ZEB1: variants seen among roughly 807,000 people sequenced by gnomAD.
The protein encoded by ZEB1 is zinc finger E-box-binding homeobox 1.
Under a neutral mutation model 84.9 loss-of-function variants are expected in ZEB1, and 21 were observed. The observed-to-expected ratio is 0.25, with a 90% confidence interval of 0.18 to 0.36. The LOEUF (loss-of-function observed/expected upper bound fraction) is 0.36. Among genes scored for constraint, ZEB1 ranks in the 10% least tolerant of loss-of-function variants. The pLI is 1.00. For synonymous variants in ZEB1, 420 were observed against 471.1 expected (o/e 0.89, Z 1.41); for missense variants, 1,104 against 1,330.2 (o/e 0.83, Z 2.65).
intron 1 of ZEB1, among the ~76,000 whole-genome samples, chr10:31,373,738 G>A (rs1368901659): frequency 6.6e-6 from 1 of 151,680 alleles, no homozygotes. Context: ...AAATTTGTAA[G>A]ATAAGACGTT....
chr10:31,505,425 G>A (rs2068811699), intron 4 of ZEB1, among the ~76,000 whole-genome samples: 1 of 151,700 alleles, frequency 6.6e-6, no homozygotes, highest in Non-Finnish European at 1.5e-5. Flanking sequence ...TCCCGGACTT[G>A]AAATATTCAT....
rs1227775259 is a variant in ZEB1, at chr10:31,363,540, C to A, written c.58+44248C>A. ...AGGGGCCCCTTTTATTGTCCTCCTG[C>A]CCCTGGGTCTCTACCTGGTCTTTCA... On this transcript the variant is annotated intron_variant, in intron 1 of 8. Transcript: ENST00000424869. The A allele has an allele frequency of 2.6e-6, 4 of 1,528,308 alleles. No homozygotes were observed. In the South Asian group the frequency reaches 4.8e-5, roughly 18 times the overall value. The allele number at this position is 1,528,308 out of a possible 1,614,324, so 94.7% of individuals were successfully genotyped here. A position where few individuals can be genotyped will look rare whatever the true frequency, so the allele number is the denominator to read the frequency against.
intron 1 of ZEB1, among the ~76,000 whole-genome samples, chr10:31,331,963 T>C (rs755625031): frequency 4.6e-5 from 7 of 152,218 alleles, no homozygotes; most frequent in Non-Finnish European, 7.3e-5. Flanking sequence ...GTGACATGAT[T>C]ACATTTATAT....
At chr10:31,446,347 T>C (rs2059774745) in intron 1 of ZEB1, among the ~76,000 whole-genome samples, 2 of 152,126 alleles carry the variant, frequency 1.3e-5, no homozygotes, top group South Asian at 2.1e-4. Flanking sequence ...ATTTTGTTGA[T>C]CCTTTCAAAA....
At chr10:31,473,861 G>C (rs1347681269) in intron 2 of ZEB1, among the ~76,000 whole-genome samples, 1 of 150,544 alleles carries the variant, frequency 6.6e-6, no homozygotes, top group Non-Finnish European at 1.5e-5. Flanking sequence ...CCAAAACAGA[G>C]ATATAGATCA....
At chr10:31,452,702 TGTGTGTGTGTG>T (rs1475990494) in intron 1 of ZEB1, among the ~76,000 whole-genome samples, 4 of 35,804 alleles carry the variant, frequency 1.1e-4, no homozygotes, top group African/African-American at 2.3e-4. Flanking sequence ...TAGGATAAAA[TGTGTGTGTGTG>T]TGTGTGTGTG....
upstream of ZEB1, chr10:31,319,172 G>A (rs544998003): frequency 8.9e-6 from 10 of 1,120,400 alleles, no homozygotes; most frequent in South Asian, 4.0e-5. Flanking sequence ...GCGGAGGGGT[G>A]GGGGGGAAGG....
intron 1 of ZEB1, among the ~76,000 whole-genome samples, chr10:31,383,468 A>T (rs545200056): frequency 9.8e-5 from 15 of 152,338 alleles, no homozygotes; most frequent in African/African-American, 3.4e-4. Flanking sequence ...TATGTACATA[A>T]CTAAATGTAC....
intron 6 of ZEB1, 96 bp downstream of exon 6, chr10:31,514,804 T>C (rs2070772403): frequency 9.9e-7 from 1 of 1,009,756 alleles, no homozygotes; most frequent in Non-Finnish European, 1.5e-6. Flanking sequence ...GATCAGAAAC[T>C]CCTTGCATTT....
intron 1 of ZEB1, 146 bp from the exon 2 acceptor site, chr10:31,460,891 T>C (rs1452539313): frequency 2.8e-6 from 2 of 715,578 alleles, no homozygotes; most frequent in Non-Finnish European, 4.8e-6. Flanking sequence ...CATATGTGTG[T>C]TGTCAAATAA....
intron 1 of ZEB1, among the ~76,000 whole-genome samples, chr10:31,432,302 T>C (rs530895247): frequency 6.9e-4 from 105 of 152,312 alleles, no homozygotes; most frequent in African/African-American, 2.4e-3. Flanking sequence ...AATTAACTAA[T>C]TTAAGGATAG....
intron 1 of ZEB1, among the ~76,000 whole-genome samples, chr10:31,435,600 G>T (rs1296811744): frequency 6.6e-6 from 1 of 152,166 alleles, no homozygotes; most frequent in African/African-American, 2.4e-5. Flanking sequence ...GCTGTGTGGA[G>T]TTGGAAACAG....
chr10:31,496,510 A>G (rs1012028012), intron 3 of ZEB1, among the ~76,000 whole-genome samples: 1 of 152,120 alleles, frequency 6.6e-6, no homozygotes, highest in African/African-American at 2.4e-5. Context: ...AAATTAAATC[A>G]GATCTTATGT....
chr10:31,320,192 G>C (rs1436954781), intron 1 of ZEB1: 1 of 151,914 alleles, frequency 6.6e-6, no homozygotes, highest in Admixed American at 6.6e-5. Flanking sequence ...GCGGCGCGGG[G>C]AACAAGGCAG....
At chr10:31,376,197 G>A (rs2046595458) in intron 1 of ZEB1, among the ~76,000 whole-genome samples, 2 of 151,700 alleles carry the variant, frequency 1.3e-5, no homozygotes, top group African/African-American at 4.8e-5. Flanking sequence ...GTCTTGCAGG[G>A]AATGTAGACA....
intron 1 of ZEB1, chr10:31,361,149 A>T (rs1361147033): frequency 6.2e-7 from 1 of 1,612,008 alleles, no homozygotes; most frequent in African/African-American, 1.3e-5. Flanking sequence ...AAGAGTGGCA[A>T]CCAGAACCTC....
chr10:31,319,489 T>C (rs1235104564), intron 1 of ZEB1, 197 bp downstream of exon 1: 4 of 612,166 alleles, frequency 6.5e-6, no homozygotes, highest in Non-Finnish European at 1.1e-5. Context: ...GGCCGCTCGC[T>C]CTCCCTGAAC....
At chr10:31,512,705 T>C (rs1172016276) in intron 5 of ZEB1, among the ~76,000 whole-genome samples, 1 of 152,084 alleles carries the variant, frequency 6.6e-6, no homozygotes, top group African/African-American at 2.4e-5. Flanking sequence ...GTAGATTATA[T>C]AAAACAGAAA....
chr10:31,428,777 T>G (rs942463220), intron 1 of ZEB1, among the ~76,000 whole-genome samples: 4 of 152,242 alleles, frequency 2.6e-5, no homozygotes, highest in Non-Finnish European at 4.4e-5. Flanking sequence ...AGTTTGATCT[T>G]GTTGAATGTA....
Sources: allele counts gnomAD v4.1 joint callset (sites outside exome capture counted in the v4.1 genomes callset), GRCh38; gene constraint gnomAD v4.1.1; transcripts MANE v1.5; gene names NCBI Gene and HGNC (gene_info 2026-07-23, HGNC 2026-07-21).